The following PABPC4L variants were observed in gnomAD, a reference collection of about 807,000 sequenced individuals.
The protein encoded by PABPC4L is polyadenylate-binding protein 4-like.
For synonymous variants in PABPC4L, 169 were observed against 164.1 expected, an observed-to-expected ratio of 1.03 and a Z score of -0.23; for missense variants, 452 against 451.4, an observed-to-expected ratio of 1.00 and a Z score of -0.01.
the PABPC4L span, among the ~76,000 whole-genome samples, chr4:134,077,921 C>T: frequency 6.6e-6 from 1 of 151,932 alleles, no homozygotes; most frequent in Admixed American, 6.6e-5. Flanking sequence ...ACATCAGCAC[C>T]TAGGCAAATG....
chr4:133,986,134 GT>G, the PABPC4L span, among the ~76,000 whole-genome samples: 2 of 152,066 alleles, frequency 1.3e-5, no homozygotes, highest in African/African-American at 4.8e-5. Context: ...ACACTTTTAA[GT>G]TTTATAATTA....
chr4:134,043,562 T>A, the PABPC4L span, among the ~76,000 whole-genome samples: 1 of 152,102 alleles, frequency 6.6e-6, no homozygotes, highest in Non-Finnish European at 1.5e-5. Flanking sequence ...AAAATAATGA[T>A]GCTAATTAGA....
the PABPC4L span, among the ~76,000 whole-genome samples, chr4:134,071,531 A>G: frequency 6.6e-6 from 1 of 152,174 alleles, no homozygotes; most frequent in African/African-American, 2.4e-5. Flanking sequence ...ATGAGTGATC[A>G]TTGTACCTCT....
At chr4:134,062,762 C>T in the PABPC4L span, among the ~76,000 whole-genome samples, 1 of 152,044 alleles carries the variant, frequency 6.6e-6, no homozygotes, top group Non-Finnish European at 1.5e-5. Flanking sequence ...TTGACCAGTA[C>T]TACCTATCTT....
At chr4:134,135,374 C>G in the PABPC4L span, among the ~76,000 whole-genome samples, 1 of 152,214 alleles carries the variant, frequency 6.6e-6, no homozygotes, top group Admixed American at 6.5e-5. Context: ...AGTCTTTACC[C>G]CCTTTCTTCC....
the PABPC4L span, among the ~76,000 whole-genome samples, chr4:134,146,870 C>G: frequency 6.6e-6 from 1 of 152,008 alleles, no homozygotes; most frequent in East Asian, 1.9e-4. Context: ...AGTTCTCACT[C>G]AAGTCATGGA....
chr4:134,140,575 A>T, the PABPC4L span, among the ~76,000 whole-genome samples: 1 of 151,798 alleles, frequency 6.6e-6, no homozygotes, highest in Non-Finnish European at 1.5e-5. Context: ...TGTAATGTAT[A>T]ATAAGGTAGG....
At chr4:134,020,759 G>A in the PABPC4L span, among the ~76,000 whole-genome samples, 1 of 152,016 alleles carries the variant, frequency 6.6e-6, no homozygotes, top group Non-Finnish European at 1.5e-5. Context: ...AGATACTAGT[G>A]AAAACCTCCT....
chr4:133,962,614 A>T, the PABPC4L span, among the ~76,000 whole-genome samples: 3 of 152,232 alleles, frequency 2.0e-5, no homozygotes, highest in African/African-American at 7.2e-5. Flanking sequence ...CTATGAGATT[A>T]ACAGTAGATT....
the PABPC4L span, among the ~76,000 whole-genome samples, chr4:134,012,730 C>T: frequency 6.6e-6 from 1 of 152,164 alleles, no homozygotes; most frequent in African/African-American, 2.4e-5. Context: ...GGTCCTCAGA[C>T]CAACCAGCCC....
the PABPC4L span, among the ~76,000 whole-genome samples, chr4:134,102,820 A>G: frequency 2.0e-5 from 3 of 151,550 alleles, no homozygotes; most frequent in African/African-American, 7.2e-5. Context: ...TATAATTTCT[A>G]TATATATTTA....
At chr4:133,957,549 T>C in the PABPC4L span, among the ~76,000 whole-genome samples, 3 of 152,178 alleles carry the variant, frequency 2.0e-5, no homozygotes, top group Non-Finnish European at 2.9e-5. Context: ...TAGAGGACAG[T>C]GGCCCTCTTC....
chr4:134,077,447 A>G, the PABPC4L span, among the ~76,000 whole-genome samples: 1 of 152,190 alleles, frequency 6.6e-6, no homozygotes, highest in Non-Finnish European at 1.5e-5. Flanking sequence ...AGAGGGGAAA[A>G]AAAAGTGTAA....
the PABPC4L span, among the ~76,000 whole-genome samples, chr4:134,061,390 G>A: frequency 1.3e-5 from 2 of 151,854 alleles, no homozygotes; most frequent in Non-Finnish European, 2.9e-5. Context: ...TGCCAACAGG[G>A]TCACTCCAAG....
chr4:134,038,856 T>A, the PABPC4L span, among the ~76,000 whole-genome samples: 1 of 152,138 alleles, frequency 6.6e-6, no homozygotes, highest in Non-Finnish European at 1.5e-5. Context: ...ATTTCTTGTC[T>A]TCTGCTAGCT....
At chr4:134,190,495 C>A in the PABPC4L span, among the ~76,000 whole-genome samples, 13 of 151,802 alleles carry the variant, frequency 8.6e-5, 1 homozygote, top group Non-Finnish European at 1.9e-4. Flanking sequence ...GTCCTTTCCC[C>A]AATTTCTGGA....
chr4:134,098,288 A>C, the PABPC4L span, among the ~76,000 whole-genome samples: 1 of 151,858 alleles, frequency 6.6e-6, no homozygotes, highest in East Asian at 1.9e-4. Flanking sequence ...ACAGGCATAA[A>C]ATTAGTATGA....
chr4:133,999,769 AG>A, the PABPC4L span, among the ~76,000 whole-genome samples: 2 of 151,998 alleles, frequency 1.3e-5, no homozygotes, highest in Non-Finnish European at 2.9e-5. Flanking sequence ...TGGTCGTTTG[AG>A]GAGAGAGAGT....
chr4:134,174,199 T>C, the PABPC4L span, among the ~76,000 whole-genome samples: 1 of 152,008 alleles, frequency 6.6e-6, no homozygotes, highest in Admixed American at 6.6e-5. Flanking sequence ...TCATATCTCA[T>C]CAAATATATG....
Sources: allele counts gnomAD v4.1 joint callset (sites outside exome capture counted in the v4.1 genomes callset), GRCh38; gene constraint gnomAD v4.1.1; transcripts MANE v1.5; gene names NCBI Gene and HGNC (gene_info 2026-07-23, HGNC 2026-07-21).